The following KIAA1328 variants were observed in gnomAD, a reference collection of about 807,000 sequenced individuals.
KIAA1328 encodes protein hinderin.
In KIAA1328, 52 loss-of-function variants were observed where a neutral mutation model predicts 68.1. The ratio of observed to expected loss-of-function variants is 0.76; its 90% CI spans 0.61 to 0.96. The LOEUF is 0.96. Ranked by LOEUF, KIAA1328 falls within the 40% of genes least tolerant of loss-of-function variation. KIAA1328 has a pLI of 0.00. For missense variants in KIAA1328, 641 were observed against 677.6 expected (o/e 0.95, Z 0.60); for synonymous variants, 232 against 239.4 (o/e 0.97, Z 0.28).
chr18:36,975,602 G>A (rs892565878), intron 6 of KIAA1328, among the ~76,000 whole-genome samples: 1 of 152,156 alleles, frequency 6.6e-6, no homozygotes, highest in Non-Finnish European at 1.5e-5. Flanking sequence ...TAAAACCTCA[G>A]AAAATGTAAT....
chr18:36,874,422 T>C (rs1412830419), intron 4 of KIAA1328, among the ~76,000 whole-genome samples: 2 of 152,264 alleles, frequency 1.3e-5, no homozygotes, highest in Non-Finnish European at 2.9e-5. Context: ...GATTTGCATT[T>C]CTTTAATGAC....
At position 37,143,629 on chromosome 18, in the gene KIAA1328, G is replaced by A. The variant is rs76974761; in HGVS notation, c.1233-16571G>A. On this transcript the variant is annotated intron_variant, in intron 7 of 9. Transcript: ENST00000280020. ...TATTGTTCCCAATCTTAGGGAAAAG[G>A]CATTCAGTAATTAACCAGTAAGTAA... Among the ~76,000 whole-genome samples, 390 of 149,120 alleles carry A rather than the reference G, an allele frequency of 2.6e-3. 3 individuals carry two copies. Among genetic ancestry groups the A allele is most frequent in the African/African-American group, 9.3e-3 (373 of 40,104 alleles).
chr18:36,959,653 T>G (rs562562484), intron 6 of KIAA1328, among the ~76,000 whole-genome samples: 1 of 152,140 alleles, frequency 6.6e-6, no homozygotes, highest in Non-Finnish European at 1.5e-5. Flanking sequence ...GCAGTCTGTG[T>G]GGGTCAGTGG....
intron 5 of KIAA1328, among the ~76,000 whole-genome samples, chr18:36,899,451 C>G (rs1276990208): frequency 6.6e-6 from 1 of 151,828 alleles, no homozygotes; most frequent in Non-Finnish European, 1.5e-5. Context: ...CCCGTTAGTG[C>G]TGAATCTGCA....
At position 37,060,779 on chromosome 18, in the gene KIAA1328, A is replaced by C. The variant is rs988737850; in HGVS notation, c.577-6111A>C. On this transcript the variant is annotated intron_variant, in intron 6 of 9. Transcript: ENST00000280020. ...CCTAACTAGATACAATTTTATATCC[A>C]TCAACAAGAGAATGAATAAATTGTG... Among the ~76,000 whole-genome samples, 12 of 152,338 alleles carry C rather than the reference A, an allele frequency of 7.9e-5. No individual in the cohort carries two copies. In the East Asian group the frequency reaches 2.3e-3, roughly 29 times the overall value.
At chr18:37,229,885 CA>C (rs1222210750), downstream of KIAA1328, 17,383 of 100,242 alleles carry the variant, frequency 0.17, 1,256 homozygotes, top group Middle Eastern at 0.26. Flanking sequence ...GACTCCATCT[CA>C]AAAAAAAAAA....
At chr18:37,073,405 A>G (rs2056602611) in intron 7 of KIAA1328, among the ~76,000 whole-genome samples, 1 of 152,244 alleles carries the variant, frequency 6.6e-6, no homozygotes, top group Non-Finnish European at 1.5e-5. Context: ...CAAACATATG[A>G]AAAAAAGCTC....
intron 6 of KIAA1328, among the ~76,000 whole-genome samples, chr18:37,043,444 A>T (rs2055339978): frequency 6.6e-6 from 1 of 152,116 alleles, no homozygotes; most frequent in Non-Finnish European, 1.5e-5. Flanking sequence ...ACTTGCCTGG[A>T]TGCATTCTGT....
intron 6 of KIAA1328, among the ~76,000 whole-genome samples, chr18:36,965,107 A>G (rs1267452686): frequency 6.6e-6 from 1 of 151,870 alleles, no homozygotes; most frequent in Non-Finnish European, 1.5e-5. Flanking sequence ...ATTTTTATTA[A>G]CTCTGCATTA....
chr18:37,185,520 A>G (rs1042089202), intron 9 of KIAA1328, among the ~76,000 whole-genome samples: 1 of 152,138 alleles, frequency 6.6e-6, no homozygotes, highest in African/African-American at 2.4e-5. Flanking sequence ...TGGGGAAAGA[A>G]TATTCAGAAC....
At chr18:36,860,885 G>A (rs1418049193) in intron 4 of KIAA1328, among the ~76,000 whole-genome samples, 1 of 152,062 alleles carries the variant, frequency 6.6e-6, no homozygotes, top group African/African-American at 2.4e-5. Context: ...TGAACTTTAT[G>A]ATATGGAAAA....
intron 9 of KIAA1328, among the ~76,000 whole-genome samples, chr18:37,181,847 A>G (rs1031986190): frequency 6.6e-6 from 1 of 152,172 alleles, no homozygotes; most frequent in Non-Finnish European, 1.5e-5. Flanking sequence ...TTCTACAACA[A>G]TGTTATATTC....
intron 9 of KIAA1328, among the ~76,000 whole-genome samples, chr18:37,178,945 G>A (rs982551633): frequency 6.6e-6 from 1 of 152,074 alleles, no homozygotes; most frequent in Non-Finnish European, 1.5e-5. Flanking sequence ...CTATTGAGTT[G>A]TTTGAGTTCC....
chr18:37,113,006 A>G (rs955619946), intron 7 of KIAA1328, among the ~76,000 whole-genome samples: 1 of 152,218 alleles, frequency 6.6e-6, no homozygotes, highest in African/African-American at 2.4e-5. Context: ...ATATGGGACT[A>G]TGTGAAAAGA....
chr18:37,215,607 C>G (rs2060414409), intron 9 of KIAA1328, among the ~76,000 whole-genome samples: 1 of 152,122 alleles, frequency 6.6e-6, no homozygotes, highest in Non-Finnish European at 1.5e-5. Context: ...GTCTAAAATT[C>G]TCTTTTTTTG....
intron 7 of KIAA1328, chr18:37,075,462 G>A (rs1164047288): frequency 4.0e-5 from 6 of 151,798 alleles, no homozygotes; most frequent in Admixed American, 6.6e-5. Context: ...ATAATGACAG[G>A]AACAAATTCA....
At chr18:36,889,972 T>C (rs2048627391) in intron 5 of KIAA1328, among the ~76,000 whole-genome samples, 1 of 152,174 alleles carries the variant, frequency 6.6e-6, no homozygotes, top group African/African-American at 2.4e-5. Context: ...GAGTGCTCAT[T>C]GGGAGGAAAC....
At chr18:37,209,604 C>T (rs1396594452) in intron 9 of KIAA1328, among the ~76,000 whole-genome samples, 1 of 151,884 alleles carries the variant, frequency 6.6e-6, no homozygotes, top group Non-Finnish European at 1.5e-5. Flanking sequence ...TAAACAAAGA[C>T]GTTGTTGAAT....
chr18:36,845,955 A>G (rs764766951), intron 4 of KIAA1328, among the ~76,000 whole-genome samples: 1 of 151,646 alleles, frequency 6.6e-6, no homozygotes, highest in Non-Finnish European at 1.5e-5. Context: ...CAATGTCAGT[A>G]TTAGTAAAAA....
Sources: allele counts gnomAD v4.1 joint callset (sites outside exome capture counted in the v4.1 genomes callset), GRCh38; gene constraint gnomAD v4.1.1; transcripts MANE v1.5; gene names NCBI Gene and HGNC (gene_info 2026-07-23, HGNC 2026-07-21).